The following AKAP6 variants were observed in gnomAD, a reference collection of about 807,000 sequenced individuals.
AKAP6 encodes A-kinase anchoring protein 6.
A neutral mutation model predicts 188.5 loss-of-function variants in AKAP6; 58 were observed. That is an observed-to-expected ratio of 0.31 (90% confidence interval 0.25 to 0.38). The LOEUF (loss-of-function observed/expected upper bound fraction) is 0.38, where lower values mean the gene tolerates loss of function less well. Among genes scored for constraint, AKAP6 ranks in the 10% least tolerant of loss-of-function variants. The pLI is 1.00. For missense variants in AKAP6, 2,710 were observed against 2,740.0 expected, an observed-to-expected ratio of 0.99 and a Z score of 0.24; for synonymous variants, 989 against 998.6, an observed-to-expected ratio of 0.99 and a Z score of 0.18.
At chr14:32,620,753 A>C (rs1051699878) in intron 7 of AKAP6, among the ~76,000 whole-genome samples, 6 of 151,812 alleles carry the variant, frequency 4.0e-5, no homozygotes, top group Non-Finnish European at 8.8e-5. Flanking sequence ...AGTTCTTTGA[A>C]TATCTGGTAG....
At chr14:32,725,491 AT>A (rs931501773) in intron 9 of AKAP6, among the ~76,000 whole-genome samples, 13 of 151,404 alleles carry the variant, frequency 8.6e-5, no homozygotes, top group Admixed American at 2.6e-4. Context: ...TCATGTTGAG[AT>A]TTTTTTTTCT....
intron 1 of AKAP6, among the ~76,000 whole-genome samples, chr14:32,391,188 A>C (rs1393389522): frequency 1.3e-5 from 2 of 152,214 alleles, no homozygotes; most frequent in African/African-American, 4.8e-5. Context: ...ATGTCAGCTT[A>C]AAGCAAATAG....
intron 2 of AKAP6, among the ~76,000 whole-genome samples, chr14:32,533,525 T>A (rs1161093029): frequency 6.6e-6 from 1 of 152,130 alleles, no homozygotes. Context: ...AGATGGATTC[T>A]GTGAAGAAGT....
chr14:32,776,290 G>A (rs867572576), intron 12 of AKAP6, among the ~76,000 whole-genome samples: 1 of 152,078 alleles, frequency 6.6e-6, no homozygotes, highest in African/African-American at 2.4e-5. Context: ...GAATCATGGG[G>A]GTGGTTTCCC....
At chr14:32,408,850 T>A (rs1416506477) in intron 1 of AKAP6, among the ~76,000 whole-genome samples, 2 of 152,120 alleles carry the variant, frequency 1.3e-5, no homozygotes, top group East Asian at 3.9e-4. Flanking sequence ...AAAATGCTGG[T>A]GAAAGGCTTC....
At chr14:32,590,301 C>T (rs1885435580) in intron 5 of AKAP6, among the ~76,000 whole-genome samples, 1 of 151,876 alleles carries the variant, frequency 6.6e-6, no homozygotes, top group Non-Finnish European at 1.5e-5. Context: ...TTGGTGTCTC[C>T]CCCAACTCCT....
At chr14:32,653,668 A>G (rs1888324458) in intron 7 of AKAP6, among the ~76,000 whole-genome samples, 1 of 152,160 alleles carries the variant, frequency 6.6e-6, no homozygotes, top group South Asian at 2.1e-4. Context: ...TGCCTAGTAC[A>G]GTTTGTCATC....
At chr14:32,763,486 A>G (rs1171731580) in intron 11 of AKAP6, among the ~76,000 whole-genome samples, 1 of 152,130 alleles carries the variant, frequency 6.6e-6, no homozygotes, top group Non-Finnish European at 1.5e-5. Context: ...AGACAAATCT[A>G]TGAGCAAAAC....
At chr14:32,783,852 A>G (rs945713738) in intron 12 of AKAP6, among the ~76,000 whole-genome samples, 2 of 152,178 alleles carry the variant, frequency 1.3e-5, no homozygotes, top group African/African-American at 4.8e-5. Flanking sequence ...GTCCTGAATC[A>G]ACAACCTAAA....
chr14:32,679,023 C>G (rs552462549), intron 8 of AKAP6, among the ~76,000 whole-genome samples: 128 of 152,212 alleles, frequency 8.4e-4, no homozygotes, highest in Admixed American at 1.2e-3. Context: ...TTTCATTCAG[C>G]CTGAGACATA....
At chr14:32,521,011 C>A (rs1881800955) in intron 2 of AKAP6, among the ~76,000 whole-genome samples, 1 of 152,190 alleles carries the variant, frequency 6.6e-6, no homozygotes, top group Non-Finnish European at 1.5e-5. Flanking sequence ...TTGGCTTCAT[C>A]CCTTTGATGC....
Position 32,717,899 on chromosome 14 carries a change from T to G in AKAP6, c.3001-14555T>G, listed in dbSNP as rs545512419. On this transcript the variant is annotated intron_variant, in intron 9 of 13. Transcript: ENST00000280979. The stretch of plus-strand genomic sequence containing the variant: ...CTCAGGCTATTAAAAATCTGTTGGG[T>G]TTTTGAGGATGAGCCTACGCCAAAT... 1.6e-3 allele frequency among the ~76,000 whole-genome samples: 246 copies of G among 152,092 alleles called. 1 individual carries two copies. The highest frequency in any genetic ancestry group is 5.5e-3 in the African/African-American group (229 of 41,496).
At position 32,773,681 on chromosome 14, in the gene AKAP6, C is replaced by T. The variant is rs762417930; in HGVS notation, c.3376C>T (p.Leu1126Phe). The change falls in exon 12 of 14, where the codon CTC (leucine) becomes TTC (phenylalanine). Residue 1126 changes from leucine to phenylalanine, a missense_variant. Physicochemically the swap from Leu to Phe is conservative, Grantham distance 22. Transcript: ENST00000280979. ...TEKQLQYFKS[L>F]CREIKQRRRG... ...TTGGTTTCTCTCTATGTTGCAGTCC[C>T]TCTGTCGTGAAATCAAGCAACGACG... The T allele has an allele frequency of 6.2e-7, 1 of 1,613,792 alleles. No homozygotes were observed. Among genetic ancestry groups the T allele is most frequent in the East Asian group, 2.2e-5 (1 of 44,872 alleles).
intron 9 of AKAP6, among the ~76,000 whole-genome samples, chr14:32,722,864 A>G (rs1406371590): frequency 6.6e-6 from 1 of 152,170 alleles, no homozygotes; most frequent in Non-Finnish European, 1.5e-5. Context: ...GGGTGCAGGA[A>G]CCCAAAAAGG....
At chr14:32,491,862 A>G (rs1451521649) in intron 2 of AKAP6, among the ~76,000 whole-genome samples, 1 of 152,220 alleles carries the variant, frequency 6.6e-6, no homozygotes, top group South Asian at 2.1e-4. Flanking sequence ...GCAGTGATTC[A>G]TGACTCAAGT....
At position 32,834,037 on chromosome 14, in the gene AKAP6, A is replaced by G. The variant is rs2034848155; in HGVS notation, c.*4232A>G. On this transcript the variant is annotated 3_prime_UTR_variant, in exon 14 of 14. Transcript: ENST00000280979. ...ATACTTCATCTGCAAATACTTCAGCATGTGTTAGCTGAGAACATGGGTATT... is the reference window on the plus strand; with the variant it reads ...ATACTTCATCTGCAAATACTTCAGCGTGTGTTAGCTGAGAACATGGGTATT... 6.6e-6 allele frequency: 1 copy of G among 152,226 alleles called. No individual in the cohort carries two copies. The highest frequency in any genetic ancestry group is 2.4e-5 in the African/African-American group (1 of 41,448). 9.4% of individuals were successfully genotyped at this position (152,226 alleles called of 1,614,324 possible). A position where few individuals can be genotyped will look rare whatever the true frequency, so the allele number is the denominator to read the frequency against.
At chr14:32,633,080 T>C (rs964226425) in intron 7 of AKAP6, among the ~76,000 whole-genome samples, 25 of 152,120 alleles carry the variant, frequency 1.6e-4, no homozygotes, top group Admixed American at 2.0e-4. Flanking sequence ...TGTTTACTTT[T>C]TTCTAATTTA....
At chr14:32,492,308 A>C (rs1202605734) in intron 2 of AKAP6, among the ~76,000 whole-genome samples, 1 of 145,048 alleles carries the variant, frequency 6.9e-6, no homozygotes, top group East Asian at 2.1e-4. Context: ...CACTCTGTAG[A>C]TATCACTGTG....
intron 10 of AKAP6, chr14:32,733,321 G>C (rs1239298953): frequency 6.6e-6 from 1 of 152,068 alleles, no homozygotes; most frequent in Non-Finnish European, 1.5e-5. Context: ...AGACAGCTGA[G>C]AGAAAAGTTA....
Sources: allele counts gnomAD v4.1 joint callset (sites outside exome capture counted in the v4.1 genomes callset), GRCh38; gene constraint gnomAD v4.1.1; transcripts MANE v1.5; gene names NCBI Gene and HGNC (gene_info 2026-07-23, HGNC 2026-07-21).